The following HNRNPUL2 variants were observed in gnomAD, a reference collection of about 807,000 sequenced individuals.
HNRNPUL2 encodes heterogeneous nuclear ribonucleoprotein U like 2.
Under a neutral mutation model 102.2 loss-of-function variants are expected in HNRNPUL2, and 27 were observed. The observed-to-expected ratio is 0.26, with a 90% CI of 0.19 to 0.36. HNRNPUL2 has a LOEUF of 0.36. HNRNPUL2 is among the 10% of genes least tolerant of loss of function. The pLI, the probability that HNRNPUL2 is intolerant of heterozygous loss-of-function variation, is 1.00. For missense variants in HNRNPUL2, 936 were observed against 981.1 expected (o/e 0.95, Z 0.61); for synonymous variants, 458 against 387.2 (o/e 1.18, Z -2.15).
rs775752383 is a variant in HNRNPUL2, at chr11:62,727,118, C to T, written c.39G>A (p.Ser13=). The change falls in exon 1 of 14, where the codon TCG becomes TCA. Residue 13 remains serine, a synonymous_variant. Transcript: ENST00000301785. ...VKRLKVTELR[S]ELQRRGLDSR... ...AGTCCAGGCCCCGCCGCTGCAGCTC[C>T]GACCGCAGCTCGGTCACTTTCAGCC... 76 of 1,450,830 alleles carry T rather than the reference C, an allele frequency of 5.2e-5. 2 individuals are homozygous for T. In the Admixed American group the frequency reaches 1.9e-3, roughly 35 times the overall value. 89.9% of individuals were successfully genotyped at this position (1,450,830 alleles called of 1,614,324 possible).
In HNRNPUL2 at chr11:62,715,910, T is replaced by TGC; in HGVS notation, c.2008_2009insGC (p.Asn670SerfsTer90). On this transcript the variant is annotated frameshift_variant, in exon 12 of 14. Transcript: ENST00000301785. LOFTEE classifies it high-confidence loss of function. ...CCAGTACTGCTGCCCGTAGGCCCGGTTGTCGTAGCCTCGGCGCTGCCCGCC... is the reference window on the plus strand; with the variant it reads ...CCAGTACTGCTGCCCGTAGGCCCGGTGCTGTCGTAGCCTCGGCGCTGCCCGCC... 1 of 1,611,760 alleles carries TGC rather than the reference T, an allele frequency of 6.2e-7. No homozygotes were observed. The highest frequency in any genetic ancestry group is 2.2e-5 in the East Asian group (1 of 44,844).
intron 1 of HNRNPUL2, among the ~76,000 whole-genome samples, chr11:62,724,842 C>A (rs2083731928): frequency 6.6e-6 from 1 of 152,216 alleles, no homozygotes; most frequent in Admixed American, 6.5e-5. Flanking sequence ...TTTTGTAACA[C>A]TTTTCCACAC....
chr11:62,724,950 A>G (rs1185845925), intron 1 of HNRNPUL2, among the ~76,000 whole-genome samples: 1 of 152,216 alleles, frequency 6.6e-6, no homozygotes, highest in Non-Finnish European at 1.5e-5. Flanking sequence ...AATGGACTCA[A>G]GTGCATTATA....
At position 62,713,169 on chromosome 11, in the gene HNRNPUL2, CAACTT is replaced by C. The variant is rs2083632327; in HGVS notation, c.*2125_*2129del. On this transcript the variant is annotated 3_prime_UTR_variant, in exon 14 of 14. Transcript: ENST00000301785. ...CCCTAACCCCTGCTGGAAAAAAACT[CAACTT>C]GATTTAGTTTAGTCCCCTTGCCCCT... 1 of 152,176 alleles carries C rather than the reference CAACTT, an allele frequency of 6.6e-6. No homozygotes were observed. Among genetic ancestry groups the C allele is most frequent in the Non-Finnish European group, 1.5e-5 (1 of 68,028 alleles). 9.4% of individuals were successfully genotyped at this position (152,176 alleles called of 1,614,324 possible).
At position 62,717,002 on chromosome 11, in the gene HNRNPUL2, C is replaced by T. The variant is rs544715219; in HGVS notation, c.1968G>A (p.Arg656=). 53 of 1,612,958 alleles carry T rather than the reference C, an allele frequency of 3.3e-5. No individual in the cohort carries two copies. The Middle Eastern group carries it at 5.7e-4, about 17-fold the overall frequency. Residue 656 remains arginine, a synonymous_variant, in exon 11 of 14, where the codon CGG becomes CGA. Transcript: ENST00000301785. ...CCCAAGACTCACCATAGCCTTGGCC[C>T]CGGCTTCGGTTCTGCCGGTTACGCT... The part of the protein sequence containing the change: ...RNKRNRQNRS[R]GQGYVGGQRR...
At position 62,718,041 on chromosome 11, in the gene HNRNPUL2, CTAAG is replaced by C. The variant is rs976171714; in HGVS notation, c.1781-856_1781-853del. On this transcript the variant is annotated intron_variant, in intron 10 of 13. Coordinates refer to ENST00000301785, the MANE Select transcript of HNRNPUL2 (RefSeq NM_001079559.3). ...AACTGAGCTACATTTCTCTGAGTGCCTAAGTAAGAGTTATGGACTGGCATAGTTC... is the reference window on the plus strand; with the variant it reads ...AACTGAGCTACATTTCTCTGAGTGCCTAAGAGTTATGGACTGGCATAGTTC... Among the ~76,000 whole-genome samples, 7 of 152,204 alleles carry C rather than the reference CTAAG, an allele frequency of 4.6e-5. No homozygotes were observed. The South Asian group carries it at 1.0e-3, about 23-fold the overall frequency.
At chr11:62,722,972 A>C in intron 4 of HNRNPUL2, 69 bp from the exon 5 acceptor site, 1 of 1,195,300 alleles carries the variant, frequency 8.4e-7, no homozygotes, top group Non-Finnish European at 1.2e-6. Flanking sequence ...AGTTCGAAGG[A>C]CAAGATTTTT....
rs764379962 is a variant in HNRNPUL2 at position 62,721,440 on chromosome 11, G to A, written c.1483-17C>T. 87 of 1,450,758 alleles carry A rather than the reference G, an allele frequency of 6.0e-5. No individual in the cohort carries two copies. The highest frequency in any genetic ancestry group is 2.0e-4 in the East Asian group (8 of 39,772). 89.9% of individuals were successfully genotyped at this position (1,450,758 alleles called of 1,614,324 possible). A position where few individuals can be genotyped will look rare whatever the true frequency, so the allele number is the denominator to read the frequency against. ...ACCCTTCATCTGATTAGTTTGAGAG[G>A]AAGTGAAAAAAAAAAACAAAACACA... is the stretch of plus-strand genomic sequence containing the variant. On this transcript the variant is annotated splice_polypyrimidine_tract_variant and intron_variant, in intron 8 of 13. Coordinates refer to ENST00000301785, the MANE Select transcript of HNRNPUL2 (RefSeq NM_001079559.3).
chr11:62,726,994 C>A lies in HNRNPUL2; in HGVS notation c.163G>T (p.Gly55Trp). 1 of 1,363,252 alleles carries A rather than the reference C, an allele frequency of 7.3e-7. No individual in the cohort carries two copies. Among genetic ancestry groups the A allele is most frequent in the Non-Finnish European group, 9.4e-7 (1 of 1,062,224 alleles). The allele number at this position is 1,363,252 out of a possible 1,614,324, so 84.4% of individuals were successfully genotyped here. ...GGCCGAGGCTCCGCCTTGCAGGCCC[C>A]GCCGGGCCCGGCCCCGCCGCCGCCG... ...EAGGGGAGPG[G>W]ACKAEPRPVA... The change falls in exon 1 of 14, where the codon GGG becomes TGG. Residue 55 changes from glycine to tryptophan, a missense_variant. This residue lies in a region of HNRNPUL2 where 327 missense variants were observed against 268.1 expected (regional missense o/e 1.22). Transcript: ENST00000301785.
intron 9 of HNRNPUL2, among the ~76,000 whole-genome samples, chr11:62,721,074 T>C (rs2083699004): frequency 6.6e-6 from 1 of 152,024 alleles, no homozygotes; most frequent in Non-Finnish European, 1.5e-5. Flanking sequence ...TTCAAATGAG[T>C]TCCAACTCTT....
intron 2 of HNRNPUL2, 113 bp downstream of exon 2, chr11:62,724,178 A>G: frequency 7.1e-7 from 1 of 1,409,290 alleles, no homozygotes; most frequent in South Asian, 1.3e-5. Context: ...ACTCATGCCT[A>G]TAAAAACCTA....
At chr11:62,716,830 C>T (rs1844714573) in intron 11 of HNRNPUL2, among the ~76,000 whole-genome samples, 159 bp downstream of exon 11, 1 of 152,116 alleles carries the variant, frequency 6.6e-6, no homozygotes, top group Non-Finnish European at 1.5e-5. Flanking sequence ...AAGAAAAAGG[C>T]AGGGATAAAG....
rs1294020020 is a variant in HNRNPUL2, at chr11:62,715,042, C to CT, written c.*256dup. The CT allele has an allele frequency of 2.3e-5, 10 of 440,266 alleles. No individual in the cohort carries two copies. The highest frequency in any genetic ancestry group is 4.0e-5 in the African/African-American group (2 of 50,240). 27.3% of individuals were successfully genotyped at this position (440,266 alleles called of 1,614,324 possible). On this transcript the variant is annotated 3_prime_UTR_variant, in exon 14 of 14. Coordinates refer to ENST00000301785, the MANE Select transcript of HNRNPUL2 (RefSeq NM_001079559.3). The stretch of plus-strand genomic sequence containing the variant: ...GCAAATGTTTTTTGATTACAAATCT[C>CT]TAACTAGGTTTGAAATGTTTTATAG...
At chr11:62,721,445 G>GGA (rs1554988247) in intron 8 of HNRNPUL2, 22 bp from the exon 9 acceptor site, 47,495 of 922,196 alleles carry the variant, frequency 0.052, no homozygotes, top group South Asian at 0.068. Context: ...GAGAGGAAGT[G>GGA]AAAAAAAAAA....
In HNRNPUL2 at chr11:62,720,407, T is replaced by C. The variant is rs143477037; in HGVS notation, c.1612-216A>G. 9.1e-4 allele frequency among the ~76,000 whole-genome samples: 139 copies of C among 151,966 alleles called. 3 individuals are homozygous for C. In the East Asian group the frequency reaches 0.025, roughly 27 times the overall value. On this transcript the variant is annotated intron_variant, in intron 9 of 13. Coordinates refer to ENST00000301785, the MANE Select transcript of HNRNPUL2 (RefSeq NM_001079559.3). The stretch of plus-strand genomic sequence containing the variant: ...CTAAAATACAAAAATTAACTCGGCA[T>C]GATGGTGGGTGCTGTAATCCCAGCT...
In HNRNPUL2 at chr11:62,715,260, A is replaced by AT. The variant is rs1455309701; in HGVS notation, c.*38dup. 1 of 1,552,138 alleles carries AT rather than the reference A, an allele frequency of 6.4e-7. No homozygotes were observed. The highest frequency in any genetic ancestry group is 1.4e-5 in the African/African-American group (1 of 72,368). Reference sequence around the variant, plus strand: ...GCGGGGGTGCCTGGCACCCCCAGAGATTCAGCTTCATGGCTGACAGGTGAC... The same window carrying AT: ...GCGGGGGTGCCTGGCACCCCCAGAGATTTCAGCTTCATGGCTGACAGGTGAC... On this transcript the variant is annotated 3_prime_UTR_variant, in exon 14 of 14. Transcript: ENST00000301785.
At chr11:62,720,278 G>C (rs1331391543) in intron 9 of HNRNPUL2, 87 bp from the exon 10 acceptor site, 27 of 1,288,990 alleles carry the variant, frequency 2.1e-5, no homozygotes, top group Non-Finnish European at 2.7e-5. Context: ...GGGCACGGTG[G>C]CTCACGCCTG....
chr11:62,727,106 C>T lies in HNRNPUL2; in HGVS notation c.51G>A (p.Arg17=). Reference sequence around the variant, plus strand: ...TGAGGCCGCGCGAGTCCAGGCCCCGCCGCTGCAGCTCCGACCGCAGCTCGG... The same window carrying T: ...TGAGGCCGCGCGAGTCCAGGCCCCGTCGCTGCAGCTCCGACCGCAGCTCGG... ...KVTELRSELQ[R]RGLDSRGLKV... is the part of the protein sequence containing the mutation. The change falls in exon 1 of 14, where the codon CGG becomes CGA. Residue 17 remains arginine, a synonymous_variant. Coordinates refer to ENST00000301785, the MANE Select transcript of HNRNPUL2 (RefSeq NM_001079559.3). The T allele has an allele frequency of 6.9e-7, 1 of 1,449,142 alleles. No individual in the cohort carries two copies. Among genetic ancestry groups the T allele is most frequent in the South Asian group, 1.3e-5 (1 of 75,964 alleles). The allele number at this position is 1,449,142 out of a possible 1,614,324, so 89.8% of individuals were successfully genotyped here.
At chr11:62,726,440 T>C (rs693486) in intron 1 of HNRNPUL2, among the ~76,000 whole-genome samples, 179 bp downstream of exon 1, 36,273 of 151,960 alleles carry the variant, frequency 0.24, 4,459 homozygotes, top group African/African-American at 0.3. Context: ...CTGCAAAGAG[T>C]AGGGCCACGA....
Sources: gnomAD v4.1 joint callset for allele counts (sites outside exome capture counted in the v4.1 genomes callset) on GRCh38, gnomAD v4.1.1 for gene constraint, gnomAD v4.1.1 regional missense constraint, MANE v1.5 for transcripts, NCBI Gene and HGNC (gene_info 2026-07-23, HGNC 2026-07-21) for gene names.